WAC: variants seen among roughly 807,000 people sequenced by gnomAD.
The protein encoded by WAC is WW domain-containing adapter protein with coiled-coil.
In WAC, 11 loss-of-function variants were observed where a neutral mutation model predicts 79.6. The ratio of observed to expected loss-of-function variants is 0.14; its 90% CI spans 0.09 to 0.23. The LOEUF (loss-of-function observed/expected upper bound fraction) is 0.23, where lower values mean the gene tolerates loss of function less well. Among genes scored for constraint, WAC ranks in the 10% least tolerant of loss-of-function variants. WAC has a pLI of 1.00. For missense variants in WAC, 728 were observed against 773.5 expected (o/e 0.94, Z 0.70); for synonymous variants, 304 against 276.9 (o/e 1.10, Z -0.97).
chr10:28,589,770 T>G lies in WAC; in HGVS notation c.416T>G (p.Ile139Ser). The G allele has an allele frequency of 6.2e-7, 1 of 1,613,858 alleles. No individual in the cohort carries two copies. Among genetic ancestry groups the G allele is most frequent in the Non-Finnish European group, 8.5e-7 (1 of 1,179,804 alleles). ...TCTGCAGATGACTGGTCTGAGCATA[T>G]TAGCTCTTCTGGGAAAAAGTACTAC... ...YDSADDWSEH[I>S]SSSGKKYYYN... Residue 139 changes from isoleucine (I) to serine (S), a missense_variant, in exon 5 of 14, where the codon ATT becomes AGT. Around this residue, in one of 3 missense-constraint regions of WAC, gnomAD observed 648 missense variants for 661.5 expected, o/e 0.98. Coordinates refer to ENST00000354911, the MANE Select transcript of WAC (RefSeq NM_016628.5).
At chr10:28,551,783 CTT>C (rs1491402053) in intron 3 of WAC, among the ~76,000 whole-genome samples, 4 of 53,538 alleles carry the variant, frequency 7.5e-5, no homozygotes, top group Non-Finnish European at 1.1e-4. Flanking sequence ...TTCCTGTCTA[CTT>C]GTGTGTGTGT....
chr10:28,597,376 C>CT (rs1338864441), intron 7 of WAC, among the ~76,000 whole-genome samples: 1 of 152,136 alleles, frequency 6.6e-6, no homozygotes, highest in Non-Finnish European at 1.5e-5. Context: ...GAAAATTTTA[C>CT]TTTAACAATC....
At chr10:28,579,953 A>G (rs543281369) in intron 3 of WAC, among the ~76,000 whole-genome samples, 17 of 151,376 alleles carry the variant, frequency 1.1e-4, no homozygotes, top group African/African-American at 3.9e-4. Flanking sequence ...TCTTATGTGA[A>G]TTTGAAATCT....
rs954922425 is a variant in WAC at position 28,608,514 on chromosome 10, G to T, written c.1165+83G>T. 4 of 1,358,916 alleles carry T rather than the reference G, an allele frequency of 2.9e-6. No individual in the cohort carries two copies. In the Admixed American group the frequency reaches 8.7e-5, roughly 30 times the overall value. 84.2% of individuals were successfully genotyped at this position (1,358,916 alleles called of 1,614,324 possible). A position where few individuals can be genotyped will look rare whatever the true frequency, so the allele number is the denominator to read the frequency against. ...TAGTAAAATCCCCAGTTTAGGAATGGTCTTTGTTTTCTTTTGAAATTTATA... is the reference window on the plus strand; with the variant it reads ...TAGTAAAATCCCCAGTTTAGGAATGTTCTTTGTTTTCTTTTGAAATTTATA... On this transcript the variant is annotated intron_variant, in intron 8 of 13. Coordinates refer to ENST00000354911, the MANE Select transcript of WAC (RefSeq NM_016628.5).
At chr10:28,607,873 T>C (rs1841037441) in intron 7 of WAC, among the ~76,000 whole-genome samples, 1 of 152,230 alleles carries the variant, frequency 6.6e-6, no homozygotes, top group African/African-American at 2.4e-5. Context: ...ATAATTATCT[T>C]TGAGATAGCA....
intron 3 of WAC, among the ~76,000 whole-genome samples, chr10:28,582,626 T>G (rs553280979): frequency 6.6e-6 from 1 of 152,330 alleles, no homozygotes; most frequent in Non-Finnish European, 1.5e-5. Context: ...AAATCTAGAA[T>G]TAAGGAATGA....
In WAC at chr10:28,583,505, A is replaced by G. The variant is rs1839644358; in HGVS notation, c.381A>G (p.Ala127=). Residue 127 remains alanine, a splice_region_variant and synonymous_variant, in exon 4 of 14, where the codon GCA becomes GCG. Coordinates refer to ENST00000354911, the MANE Select transcript of WAC (RefSeq NM_016628.5). ...PSNNPSKTSD[A]PYDSADDWSE... Reference sequence around the variant, plus strand: ...ATAACCCAAGCAAAACTTCAGATGCAGTAAGTATTATAAACATGTCCAATA... The same window carrying G: ...ATAACCCAAGCAAAACTTCAGATGCGGTAAGTATTATAAACATGTCCAATA... 6.4e-7 allele frequency: 1 copy of G among 1,558,350 alleles called. No homozygotes were observed. The highest frequency in any genetic ancestry group is 1.2e-5 in the South Asian group (1 of 82,214).
At chr10:28,614,908 T>A in intron 11 of WAC, 1 of 365,212 alleles carries the variant, frequency 2.7e-6, no homozygotes, top group Non-Finnish European at 4.9e-6. Flanking sequence ...AGTGGCTCTT[T>A]AAAATTTTAC....
Position 28,533,998 on chromosome 10 carries a change from C to T in WAC, c.42C>T (p.Gly14=), listed in dbSNP as rs767225783. Residue 14 remains glycine (G), a splice_region_variant and synonymous_variant, in exon 2 of 14, where the codon GGC becomes GGT. Coordinates refer to ENST00000354911, the MANE Select transcript of WAC (RefSeq NM_016628.5). ...GCTGCCTTCTCTTCCTGTTTTTCAG[C>T]TGTCACGACCGGAGGGGGGACTCGC... ...YARKQQRLSD[G]CHDRRGDSQP... 6.2e-6 allele frequency: 10 copies of T among 1,604,092 alleles called. No homozygotes were observed. The highest frequency in any genetic ancestry group is 6.0e-6 in the Non-Finnish European group (7 of 1,175,576).
chr10:28,535,977 T>C, intron 3 of WAC: 1 of 354,644 alleles, frequency 2.8e-6, no homozygotes, highest in Non-Finnish European at 5.0e-6. Flanking sequence ...GCGCGGTGGC[T>C]CACGCCTGTA....
At chr10:28,550,971 G>T (rs182450647) in intron 3 of WAC, among the ~76,000 whole-genome samples, 4 of 152,294 alleles carry the variant, frequency 2.6e-5, no homozygotes, top group African/African-American at 9.6e-5. Context: ...AAATTTTGCA[G>T]TTCAGGCTCT....
At chr10:28,609,323 T>C (rs925935151) in intron 8 of WAC, among the ~76,000 whole-genome samples, 1 of 152,114 alleles carries the variant, frequency 6.6e-6, no homozygotes, top group Non-Finnish European at 1.5e-5. Flanking sequence ...AGATGGTGCC[T>C]GTACACTCCA....
chr10:28,537,142 A>G (rs1231709737), intron 3 of WAC, among the ~76,000 whole-genome samples: 1 of 152,238 alleles, frequency 6.6e-6, no homozygotes, highest in Non-Finnish European at 1.5e-5. Context: ...GTAGTTCTCT[A>G]TTGAATGTAG....
chr10:28,559,818 G>A (rs1838205083), intron 3 of WAC, among the ~76,000 whole-genome samples: 1 of 152,118 alleles, frequency 6.6e-6, no homozygotes, highest in Admixed American at 6.5e-5. Flanking sequence ...ACATGACTTC[G>A]TGTCACATTT....
At chr10:28,597,031 C>A (rs955314610) in intron 7 of WAC, among the ~76,000 whole-genome samples, 1 of 151,882 alleles carries the variant, frequency 6.6e-6, no homozygotes, top group African/African-American at 2.4e-5. Context: ...ACTATAAATA[C>A]ATTTTATTTG....
intron 3 of WAC, among the ~76,000 whole-genome samples, chr10:28,546,277 C>T (rs780248425): frequency 6.6e-5 from 10 of 152,144 alleles, no homozygotes; most frequent in African/African-American, 1.7e-4. Context: ...ACTTTGGTTA[C>T]GATGAAGAGA....
intron 11 of WAC, 89 bp downstream of exon 11, chr10:28,614,774 T>C: frequency 8.9e-7 from 1 of 1,124,948 alleles, no homozygotes; most frequent in Non-Finnish European, 1.3e-6. Context: ...AAAATAGAAC[T>C]TAACCTTTAA....
Position 28,613,259 on chromosome 10 carries a change from C to T in WAC, c.1438-1308C>T, listed in dbSNP as rs763531126. ...GCACAGACCTATAATCCCAGCTACT[C>T]GGGCGGCTGAGGCATGAGAATCACT... On this transcript the variant is annotated intron_variant, in intron 10 of 13. Coordinates refer to ENST00000354911, the MANE Select transcript of WAC (RefSeq NM_016628.5). Among the ~76,000 whole-genome samples, 8 of 152,180 alleles carry T rather than the reference C, an allele frequency of 5.3e-5. No homozygotes were observed. The East Asian group carries it at 1.5e-3, about 29-fold the overall frequency.
chr10:28,546,425 T>C (rs528875112), intron 3 of WAC, among the ~76,000 whole-genome samples: 1 of 152,344 alleles, frequency 6.6e-6, no homozygotes, highest in African/African-American at 2.4e-5. Flanking sequence ...CTGCTAGAAG[T>C]ACTGTTCTCT....
Sources: allele counts gnomAD v4.1 joint callset (sites outside exome capture counted in the v4.1 genomes callset), GRCh38; gene constraint gnomAD v4.1.1; regional missense constraint gnomAD v4.1.1; transcripts MANE v1.5; gene names NCBI Gene and HGNC (gene_info 2026-07-23, HGNC 2026-07-21).